The following SPIN1 variants were observed in gnomAD, a reference collection of about 807,000 sequenced individuals.
SPIN1 encodes the protein spindlin 1.
A neutral mutation model predicts 26.0 loss-of-function variants in SPIN1; 3 were observed. The observed-to-expected ratio is 0.12, with a 90% CI of 0.05 to 0.30. SPIN1 has a LOEUF of 0.30. SPIN1 is among the 10% of genes least tolerant of loss of function. The probability of loss-of-function intolerance (pLI) is 1.00; values close to 1 mark genes in which losing one functional copy is unlikely to be tolerated. For synonymous variants in SPIN1, 101 were observed against 116.5 expected (o/e 0.87, Z 0.86); for missense variants, 126 against 333.4 (o/e 0.38, Z 4.84).
In SPIN1 at chr9:88,432,432, TC is replaced by T. The variant is rs555305998; in HGVS notation, c.52+5843del. Reference sequence around the variant, plus strand: ...CGAACTCCTGACCTCAGGTGATCCATCCACTTCTGCCTCCCAAAGTGCTGGG... The same window carrying T: ...CGAACTCCTGACCTCAGGTGATCCATCACTTCTGCCTCCCAAAGTGCTGGG... On this transcript the variant is annotated intron_variant, in intron 2 of 5. Transcript: ENST00000375859. Among the ~76,000 whole-genome samples, 42 of 151,102 alleles carry T rather than the reference TC, an allele frequency of 2.8e-4. 1 individual carries two copies. The South Asian group carries it at 8.6e-3, about 31-fold the overall frequency.
At chr9:88,436,833 C>G (rs1317853141) in intron 2 of SPIN1, among the ~76,000 whole-genome samples, 1 of 135,170 alleles carries the variant, frequency 7.4e-6, no homozygotes, top group South Asian at 2.5e-4. Flanking sequence ...GGCGGGATCT[C>G]GGCTCACTGC....
chr9:88,405,860 C>T (rs1827291132), intron 1 of SPIN1, among the ~76,000 whole-genome samples: 1 of 151,378 alleles, frequency 6.6e-6, no homozygotes, highest in Admixed American at 6.6e-5. Flanking sequence ...GTTTTTGAGA[C>T]AGGGTCTCGC....
intron 2 of SPIN1, among the ~76,000 whole-genome samples, chr9:88,437,223 G>A (rs1828020898): frequency 6.6e-6 from 1 of 152,072 alleles, no homozygotes; most frequent in African/African-American, 2.4e-5. Context: ...ATAGGCCGGG[G>A]GTGGTGGCTC....
intron 1 of SPIN1, among the ~76,000 whole-genome samples, chr9:88,403,093 G>GT (rs1293910338): frequency 6.6e-6 from 1 of 151,984 alleles, no homozygotes; most frequent in Admixed American, 6.6e-5. Flanking sequence ...CCATTTGTAT[G>GT]TTTTTTGATG....
chr9:88,462,855 G>T, intron 4 of SPIN1, 106 bp downstream of exon 4: 1 of 1,278,672 alleles, frequency 7.8e-7, no homozygotes, highest in Non-Finnish European at 1.1e-6. Context: ...TGGAACACAA[G>T]CACCCTTCTT....
At chr9:88,397,594 A>G (rs1259503259) in intron 1 of SPIN1, among the ~76,000 whole-genome samples, 3 of 150,300 alleles carry the variant, frequency 2.0e-5, no homozygotes, top group African/African-American at 4.9e-5. Flanking sequence ...ACTGATATTC[A>G]TCACCGACTC....
chr9:88,389,969 A>T (rs80227327), intron 1 of SPIN1, among the ~76,000 whole-genome samples: 1,789 of 152,230 alleles, frequency 0.012, 16 homozygotes, highest in Non-Finnish European at 0.02. Flanking sequence ...AAAATATTGT[A>T]GTACCTGGTA....
At chr9:88,448,836 T>G (rs1828304530) in intron 2 of SPIN1, 105 bp from the exon 3 acceptor site, 1 of 988,868 alleles carries the variant, frequency 1.0e-6, no homozygotes, top group Non-Finnish European at 1.5e-6. Flanking sequence ...TGGTGTATTT[T>G]CTTTTCATAT....
chr9:88,457,427 G>A (rs993199815), intron 3 of SPIN1, among the ~76,000 whole-genome samples: 2 of 152,112 alleles, frequency 1.3e-5, no homozygotes, highest in African/African-American at 4.8e-5. Context: ...TACTTAGGGA[G>A]GCTGAGGCAC....
At chr9:88,446,206 TTCAC>T (rs1173915158) in intron 2 of SPIN1, among the ~76,000 whole-genome samples, 2 of 152,210 alleles carry the variant, frequency 1.3e-5, no homozygotes, top group Non-Finnish European at 2.9e-5. Context: ...TTTTAATTAA[TTCAC>T]TCTTTTAGAA....
chr9:88,467,622 G>A (rs895031216), intron 4 of SPIN1, among the ~76,000 whole-genome samples: 1 of 152,144 alleles, frequency 6.6e-6, no homozygotes, highest in Non-Finnish European at 1.5e-5. Context: ...GGGCAGAGGC[G>A]TGAAGGCTTT....
rs868145395 is a variant in SPIN1 at position 88,404,913 on chromosome 9, C to T, written c.-159+16375C>T. ...CCTGGGGGCAAGAGTGAGATTTCGT[C>T]TCAAAAAAAAAAAAAACAAAAAAAA... On this transcript the variant is annotated intron_variant, in intron 1 of 5. Transcript: ENST00000375859. 4.1e-4 allele frequency among the ~76,000 whole-genome samples: 49 copies of T among 119,138 alleles called. No homozygotes were observed. The South Asian group carries it at 0.012, about 30-fold the overall frequency. The allele number at this position is 119,138 out of a possible 152,430, so 78.2% of individuals were successfully genotyped here.
At chr9:88,388,829 C>A (rs1376428527) in intron 1 of SPIN1, among the ~76,000 whole-genome samples, 1 of 150,828 alleles carries the variant, frequency 6.6e-6, no homozygotes, top group East Asian at 2.0e-4. Context: ...GCCACCCTCT[C>A]GTCCCCAGTT....
rs1827174748 is a variant in SPIN1, at chr9:88,401,009, A to G, written c.-159+12471A>G. Among the ~76,000 whole-genome samples, 4 of 152,156 alleles carry G rather than the reference A, an allele frequency of 2.6e-5. No homozygotes were observed. The South Asian group carries it at 8.3e-4, about 31-fold the overall frequency. On this transcript the variant is annotated intron_variant, in intron 1 of 5. Transcript: ENST00000375859. ...GCCTGGGCAACAGAGTGAGATTCTAATAAAATATTAGTTCATAAGGAAAGG... is the reference window on the plus strand; with the variant it reads ...GCCTGGGCAACAGAGTGAGATTCTAGTAAAATATTAGTTCATAAGGAAAGG...
chr9:88,428,698 A>G (rs983657344), intron 2 of SPIN1, among the ~76,000 whole-genome samples: 3 of 152,040 alleles, frequency 2.0e-5, no homozygotes, highest in African/African-American at 7.2e-5. Context: ...TTGATCTTAC[A>G]TTTTCTTATT....
At chr9:88,446,122 A>G (rs537581752) in intron 2 of SPIN1, among the ~76,000 whole-genome samples, 1 of 152,110 alleles carries the variant, frequency 6.6e-6, no homozygotes, top group African/African-American at 2.4e-5. Flanking sequence ...CTTTGTCTTT[A>G]ATTCTGTCAG....
At chr9:88,428,290 A>C (rs1013839265) in intron 2 of SPIN1, among the ~76,000 whole-genome samples, 2 of 152,158 alleles carry the variant, frequency 1.3e-5, no homozygotes, top group African/African-American at 4.8e-5. Flanking sequence ...CCAGATAGTG[A>C]ACATACTAGT....
intron 1 of SPIN1, among the ~76,000 whole-genome samples, chr9:88,418,065 T>G (rs536548549): frequency 6.6e-6 from 1 of 152,290 alleles, no homozygotes; most frequent in Non-Finnish European, 1.5e-5. Context: ...CAGCTGTCCT[T>G]TTGGGTTTTT....
chr9:88,393,211 G>GA (rs2117862444), intron 1 of SPIN1, among the ~76,000 whole-genome samples: 1 of 150,888 alleles, frequency 6.6e-6, no homozygotes, highest in South Asian at 2.1e-4. Flanking sequence ...CAAATGGTGA[G>GA]AGAATACATG....
Sources: allele counts gnomAD v4.1 joint callset (sites outside exome capture counted in the v4.1 genomes callset), GRCh38; gene constraint gnomAD v4.1.1; transcripts MANE v1.5; gene names NCBI Gene and HGNC (gene_info 2026-07-23, HGNC 2026-07-21).